DACH2: variants seen among roughly 807,000 people sequenced by gnomAD.
The protein encoded by DACH2 is dachshund homolog 2.
In DACH2, 17 loss-of-function variants were observed where a neutral mutation model predicts 35.8. That is an observed-to-expected ratio of 0.48 (90% CI 0.33 to 0.71). The LOEUF is 0.71. Among genes scored for constraint, DACH2 ranks in the 30% least tolerant of loss-of-function variants. The probability of loss-of-function intolerance (pLI) is 0.02; values close to 1 mark genes in which losing one functional copy is unlikely to be tolerated. For missense variants in DACH2, 469 were observed against 472.7 expected (o/e 0.99, Z 0.07); for synonymous variants, 195 against 177.3 (o/e 1.10, Z -0.79).
intron 4 of DACH2, among the ~76,000 whole-genome samples, chrX:86,683,160 T>C (rs1321006766): frequency 8.9e-6 from 1 of 111,901 alleles, no homozygotes; most frequent in African/African-American, 3.2e-5. Context: ...TTTTATCTTG[T>C]ATTCAGTTTA....
chrX:86,212,673 T>C lies in DACH2; in HGVS notation c.488+63565T>C, dbSNP rs746596124. On this transcript the variant is annotated intron_variant, in intron 1 of 11. Coordinates refer to ENST00000373125, the MANE Select transcript of DACH2 (RefSeq NM_053281.3). ...CTTCTTGCATTTTTCTATTGTGGAA[T>C]TACCACTATAAACTACATGTAAATT... is the stretch of plus-strand genomic sequence containing the variant. Among the ~76,000 whole-genome samples, 17 of 111,420 alleles carry C rather than the reference T, an allele frequency of 1.5e-4. No homozygotes were observed. In the East Asian group the frequency reaches 4.5e-3, roughly 29 times the overall value.
At chrX:86,261,886 G>A (rs2033632348) in intron 1 of DACH2, among the ~76,000 whole-genome samples, 1 of 111,054 alleles carries the variant, frequency 9.0e-6, no homozygotes, top group Non-Finnish European at 1.9e-5. Flanking sequence ...AGTAGGGTGA[G>A]TGAAGTGATT....
At chrX:86,178,724 T>G (rs2031383295) in intron 1 of DACH2, among the ~76,000 whole-genome samples, 1 of 111,141 alleles carries the variant, frequency 9.0e-6, no homozygotes, top group Admixed American at 9.6e-5. Context: ...GGAATAATAT[T>G]AGCTACATAA....
chrX:86,757,375 G>A (rs2041839491), intron 7 of DACH2, among the ~76,000 whole-genome samples: 1 of 111,492 alleles, frequency 9.0e-6, no homozygotes, highest in Non-Finnish European at 1.9e-5. Context: ...TCAGGCTAAT[G>A]CTGGCTTTGT....
chrX:86,660,659 A>C (rs1213572015), intron 4 of DACH2, among the ~76,000 whole-genome samples: 1 of 111,731 alleles, frequency 9.0e-6, no homozygotes, highest in African/African-American at 3.2e-5. Context: ...GAACATGACA[A>C]AATATTCAAT....
At position 86,443,403 on chromosome X, in the gene DACH2, T is replaced by A. The variant is rs1378796743; in HGVS notation, c.527+66541T>A. On this transcript the variant is annotated intron_variant, in intron 2 of 11. Coordinates refer to ENST00000373125, the MANE Select transcript of DACH2 (RefSeq NM_053281.3). ...CAACTTTGCTGAAATCATTTATTAGTTTGAATAGTTTTTCACTGGAGTCAC... is the reference window on the plus strand; with the variant it reads ...CAACTTTGCTGAAATCATTTATTAGATTGAATAGTTTTTCACTGGAGTCAC... Among the ~76,000 whole-genome samples, 5 of 111,895 alleles carry A rather than the reference T, an allele frequency of 4.5e-5. No individual in the cohort carries two copies. The Admixed American group carries it at 4.8e-4, about 11-fold the overall frequency.
intron 2 of DACH2, among the ~76,000 whole-genome samples, chrX:86,488,045 A>G (rs973759982): frequency 9.0e-6 from 1 of 111,542 alleles, no homozygotes; most frequent in African/African-American, 3.3e-5. Context: ...CTATATCTCT[A>G]TCTATCACTC....
intron 1 of DACH2, among the ~76,000 whole-genome samples, chrX:86,167,701 T>G (rs770417284): frequency 9.0e-6 from 1 of 111,467 alleles, no homozygotes; most frequent in East Asian, 2.8e-4. Flanking sequence ...TTGCCTCTTA[T>G]TATTGCTTTT....
At chrX:86,477,339 CAT>C (rs56255658) in intron 2 of DACH2, among the ~76,000 whole-genome samples, 31,083 of 75,379 alleles carry the variant, frequency 0.41, 5,629 homozygotes, top group South Asian at 0.55. Context: ...GTGTTGAGTG[CAT>C]ATATATATAT....
intron 7 of DACH2, among the ~76,000 whole-genome samples, chrX:86,788,844 CTTAAAT>C (rs771294836): frequency 2.7e-5 from 3 of 111,318 alleles, no homozygotes; most frequent in African/African-American, 9.8e-5. Context: ...AAAATACCAA[CTTAAAT>C]TTAAAGTTGA....
chrX:86,604,308 C>T (rs2039830301), intron 3 of DACH2, among the ~76,000 whole-genome samples: 1 of 110,103 alleles, frequency 9.1e-6, no homozygotes, highest in African/African-American at 3.3e-5. Flanking sequence ...TAGTGTTTGC[C>T]CTGGGGTTTA....
At chrX:86,401,365 C>T (rs780369095) in intron 2 of DACH2, among the ~76,000 whole-genome samples, 4 of 112,100 alleles carry the variant, frequency 3.6e-5, no homozygotes, top group Non-Finnish European at 7.5e-5. Context: ...GGCTTATGCA[C>T]GGTGCACTGC....
chrX:86,155,462 A>G (rs1262718529), intron 1 of DACH2, among the ~76,000 whole-genome samples: 1 of 111,016 alleles, frequency 9.0e-6, no homozygotes, highest in Admixed American at 9.7e-5. Context: ...TGGTCACCAA[A>G]AGGAACTTTG....
chrX:86,832,347 G>A lies in DACH2; in HGVS notation c.*192G>A. ...AAGCAATGATGTAAACTTTGTTCTT[G>A]CATTAGACTGACCAGTTTAAAAATA... On this transcript the variant is annotated 3_prime_UTR_variant, in exon 12 of 12. Coordinates refer to ENST00000373125, the MANE Select transcript of DACH2 (RefSeq NM_053281.3). 1 of 394,248 alleles carries A rather than the reference G, an allele frequency of 2.5e-6. No homozygotes were observed. The highest frequency in any genetic ancestry group is 4.3e-6 in the Non-Finnish European group (1 of 231,653). The allele number at this position is 394,248 out of a possible 1,213,427, so 32.5% of individuals were successfully genotyped here.
intron 2 of DACH2, among the ~76,000 whole-genome samples, chrX:86,476,998 T>G (rs967171919): frequency 4.5e-5 from 5 of 111,163 alleles, no homozygotes; most frequent in Admixed American, 3.9e-4. Flanking sequence ...TATTTCATTG[T>G]GGCCAGAGAA....
intron 5 of DACH2, among the ~76,000 whole-genome samples, chrX:86,700,888 T>C (rs1357764584): frequency 9.0e-6 from 1 of 111,559 alleles, no homozygotes; most frequent in Non-Finnish European, 1.9e-5. Context: ...AGCCAGGGAC[T>C]AAATGGATTC....
intron 2 of DACH2, among the ~76,000 whole-genome samples, chrX:86,400,728 G>A (rs776803642): frequency 1.8e-4 from 20 of 111,524 alleles, no homozygotes; most frequent in South Asian, 3.8e-4. Flanking sequence ...CTGCCTGATC[G>A]TTCCTCTGGA....
At chrX:86,609,696 G>A (rs1167918263) in intron 3 of DACH2, among the ~76,000 whole-genome samples, 1 of 111,761 alleles carries the variant, frequency 8.9e-6, no homozygotes, top group African/African-American at 3.3e-5. Context: ...GTAGTGCTGT[G>A]TTTATTATGG....
chrX:86,235,955 G>A (rs906501518), intron 1 of DACH2, among the ~76,000 whole-genome samples: 5 of 111,237 alleles, frequency 4.5e-5, no homozygotes, highest in Admixed American at 9.6e-5. Flanking sequence ...CCAACATGGC[G>A]AAACAGCATC....
Sources: gnomAD v4.1 joint callset for allele counts (sites outside exome capture counted in the v4.1 genomes callset) on GRCh38, gnomAD v4.1.1 for gene constraint, MANE v1.5 for transcripts, NCBI Gene and HGNC (gene_info 2026-07-23, HGNC 2026-07-21) for gene names.